The following RBFOX1 variants were observed in gnomAD, a reference collection of about 807,000 sequenced individuals.
RBFOX1 encodes RNA binding protein fox-1 homolog 1.
Under a neutral mutation model 57.7 loss-of-function variants are expected in RBFOX1, and 8 were observed. The ratio of observed to expected loss-of-function variants is 0.14; its 90% confidence interval spans 0.08 to 0.25. The LOEUF (loss-of-function observed/expected upper bound fraction) is 0.25. Ranked by LOEUF, RBFOX1 falls within the 10% of genes least tolerant of loss-of-function variation. The pLI, the probability that RBFOX1 is intolerant of heterozygous loss-of-function variation, is 1.00. For synonymous variants in RBFOX1, 326 were observed against 222.4 expected (o/e 1.47, Z -4.15); for missense variants, 611 against 548.5 (o/e 1.11, Z -1.14).
At chr16:6,991,401 C>G (rs955942238) in intron 3 of RBFOX1, among the ~76,000 whole-genome samples, 2 of 152,198 alleles carry the variant, frequency 1.3e-5, no homozygotes, top group African/African-American at 2.4e-5. Flanking sequence ...AAGCAACATT[C>G]CGTTTGGGCC....
chr16:7,297,218 C>T (rs952135085), intron 4 of RBFOX1, among the ~76,000 whole-genome samples: 1 of 152,176 alleles, frequency 6.6e-6, no homozygotes, highest in Non-Finnish European at 1.5e-5. Context: ...ACTTATTTTC[C>T]ACATCTTCCT....
At chr16:7,630,352 A>G (rs1005057688) in intron 10 of RBFOX1, among the ~76,000 whole-genome samples, 1 of 150,648 alleles carries the variant, frequency 6.6e-6, no homozygotes, top group Admixed American at 6.6e-5. Flanking sequence ...CCCTGGGGCA[A>G]CCAGAGTCCG....
intron 1 of RBFOX1, among the ~76,000 whole-genome samples, chr16:6,269,646 T>A (rs1448491037): frequency 6.6e-6 from 1 of 152,162 alleles, no homozygotes; most frequent in African/African-American, 2.4e-5. Flanking sequence ...AAAATCTCCT[T>A]CGGAGATGAA....
chr16:7,493,760 G>A (rs536703194), intron 4 of RBFOX1, among the ~76,000 whole-genome samples: 6 of 152,304 alleles, frequency 3.9e-5, no homozygotes, highest in South Asian at 4.1e-4. Flanking sequence ...TTGACTTTAC[G>A]TCAGTTGAGA....
At chr16:5,374,187 C>G (rs111485928) in intron 1 of RBFOX1, among the ~76,000 whole-genome samples, 143 of 152,384 alleles carry the variant, frequency 9.4e-4, no homozygotes, top group Non-Finnish European at 1.6e-3. Context: ...TTCCACCCAC[C>G]TCGGCCTTCC....
chr16:6,948,315 C>T (rs994205017), intron 3 of RBFOX1, among the ~76,000 whole-genome samples: 1 of 150,216 alleles, frequency 6.7e-6, no homozygotes, highest in East Asian at 1.9e-4. Context: ...CAAAATAAAG[C>T]CAGGTAATGG....
intron 4 of RBFOX1, among the ~76,000 whole-genome samples, chr16:7,238,058 A>G (rs1244611828): frequency 6.6e-6 from 1 of 152,248 alleles, no homozygotes; most frequent in Non-Finnish European, 1.5e-5. Flanking sequence ...CCTTGAGGAC[A>G]TTATTCTAAG....
chr16:6,348,469 T>A (rs980688611), intron 2 of RBFOX1, among the ~76,000 whole-genome samples: 3 of 152,082 alleles, frequency 2.0e-5, no homozygotes, highest in African/African-American at 7.2e-5. Flanking sequence ...TCATGCTTGG[T>A]GAGATGGTAT....
chr16:5,594,615 A>G (rs2047120134), intron 2 of RBFOX1, among the ~76,000 whole-genome samples: 1 of 152,170 alleles, frequency 6.6e-6, no homozygotes, highest in Admixed American at 6.5e-5. Flanking sequence ...GAGGTAGAAA[A>G]GAGACAAATG....
intron 3 of RBFOX1, among the ~76,000 whole-genome samples, chr16:6,692,812 A>G (rs1194258041): frequency 2.6e-5 from 4 of 152,026 alleles, no homozygotes; most frequent in Non-Finnish European, 5.9e-5. Flanking sequence ...TACTATCACT[A>G]CCATCATCAT....
chr16:6,470,342 A>C (rs1433716929), intron 2 of RBFOX1, among the ~76,000 whole-genome samples: 2 of 152,214 alleles, frequency 1.3e-5, no homozygotes, highest in African/African-American at 4.8e-5. Context: ...GGTATAAACT[A>C]GTCATGGATA....
At chr16:5,640,874 A>ACG (rs1191114767) in intron 3 of RBFOX1, among the ~76,000 whole-genome samples, 5 of 145,630 alleles carry the variant, frequency 3.4e-5, no homozygotes, top group Non-Finnish European at 7.6e-5. Context: ...ACACACACAC[A>ACG]CACACCATGC....
chr16:6,242,411 T>G (rs893812059), intron 1 of RBFOX1, among the ~76,000 whole-genome samples: 2 of 152,052 alleles, frequency 1.3e-5, no homozygotes, highest in African/African-American at 4.8e-5. Context: ...TATTTTTTTG[T>G]GGAGACAGGA....
chr16:5,552,374 A>G (rs1445696515), intron 2 of RBFOX1, among the ~76,000 whole-genome samples: 1 of 152,182 alleles, frequency 6.6e-6, no homozygotes, highest in East Asian at 1.9e-4. Flanking sequence ...GAGCTCTTCA[A>G]TGACAGGCAT....
chr16:5,557,085 C>A (rs4569284), intron 2 of RBFOX1, among the ~76,000 whole-genome samples: 4 of 151,878 alleles, frequency 2.6e-5, no homozygotes, highest in Admixed American at 2.6e-4. Flanking sequence ...CAGTGAAACC[C>A]CATCTCTACC....
chr16:7,294,500 A>G (rs1374527530), intron 4 of RBFOX1, among the ~76,000 whole-genome samples: 1 of 151,372 alleles, frequency 6.6e-6, no homozygotes, highest in Non-Finnish European at 1.5e-5. Flanking sequence ...TTTGCCAGAA[A>G]TGATGATAGG....
chr16:6,202,589 A>G (rs2097222121), intron 1 of RBFOX1, among the ~76,000 whole-genome samples: 1 of 149,866 alleles, frequency 6.7e-6, no homozygotes, highest in African/African-American at 2.5e-5. Context: ...TTTTATGCTG[A>G]AAAAAAAATC....
chr16:7,091,274 T>C (rs2060808125), intron 4 of RBFOX1, among the ~76,000 whole-genome samples: 1 of 152,188 alleles, frequency 6.6e-6, no homozygotes, highest in African/African-American at 2.4e-5. Context: ...TTTACTTTTT[T>C]TTTTTGTTAC....
chr16:7,573,464 T>C (rs1400350694), intron 5 of RBFOX1, among the ~76,000 whole-genome samples: 1 of 152,192 alleles, frequency 6.6e-6, no homozygotes, highest in Non-Finnish European at 1.5e-5. Flanking sequence ...CTGAATTTTC[T>C]GCATGGCTAT....
Sources: gnomAD v4.1 joint callset for allele counts (sites outside exome capture counted in the v4.1 genomes callset) on GRCh38, gnomAD v4.1.1 for gene constraint, MANE v1.5 for transcripts, NCBI Gene and HGNC (gene_info 2026-07-23, HGNC 2026-07-21) for gene names.